CSMD1: variants seen among roughly 807,000 people sequenced by gnomAD.
CSMD1 encodes CUB and Sushi multiple domains 1.
Under a neutral mutation model 417.5 loss-of-function variants are expected in CSMD1, and 213 were observed. The observed-to-expected ratio is 0.51, with a 90% CI of 0.46 to 0.57. The LOEUF (loss-of-function observed/expected upper bound fraction) is 0.57, where lower values mean the gene tolerates loss of function less well. CSMD1 is among the 20% of genes least tolerant of loss of function. CSMD1 has a pLI of 0.00. For missense variants in CSMD1, 6,923 were observed against 4,529.7 expected, an observed-to-expected ratio of 1.53 and a Z score of -15.17; for synonymous variants, 2,862 against 1,736.8, an observed-to-expected ratio of 1.65 and a Z score of -16.11.
chr8:3,858,723 G>T lies in CSMD1; in HGVS notation c.819-104681C>A, dbSNP rs752925078. Among the ~76,000 whole-genome samples the T allele has an allele frequency of 3.3e-5, 5 of 151,576 alleles. No individual in the cohort carries two copies. In the East Asian group the frequency reaches 9.7e-4, roughly 29 times the overall value. On this transcript the variant is annotated intron_variant, in intron 5 of 69. Coordinates refer to ENST00000635120, the MANE Select transcript of CSMD1 (RefSeq NM_033225.6). ...CCCAAATAAAATAGTCCATAAATCA[G>T]ATTACATTTTCAAAATAACTTTGGA...
chr8:3,917,580 G>C (rs1344476372), intron 5 of CSMD1, among the ~76,000 whole-genome samples: 2 of 148,250 alleles, frequency 1.3e-5, no homozygotes, highest in African/African-American at 2.5e-5. Flanking sequence ...TTTGCAACTA[G>C]TTGACATAAA....
intron 2 of CSMD1, among the ~76,000 whole-genome samples, chr8:4,532,995 T>C (rs1209438987): frequency 6.6e-6 from 1 of 152,144 alleles, no homozygotes; most frequent in South Asian, 2.1e-4. Context: ...GGAAAAGAAA[T>C]CCTGCACCCC....
At chr8:4,149,075 T>C (rs761105517) in intron 3 of CSMD1, among the ~76,000 whole-genome samples, 1 of 152,038 alleles carries the variant, frequency 6.6e-6, no homozygotes, top group African/African-American at 2.4e-5. Context: ...GCGATTCTCC[T>C]GCCTCAGCCT....
chr8:4,174,017 T>C (rs899603302), intron 3 of CSMD1, among the ~76,000 whole-genome samples: 1 of 152,160 alleles, frequency 6.6e-6, no homozygotes, highest in Non-Finnish European at 1.5e-5. Flanking sequence ...TCAATCACCA[T>C]GGCCAAGGGA....
intron 7 of CSMD1, among the ~76,000 whole-genome samples, chr8:3,627,950 G>A (rs7003559): frequency 0.35 from 53,738 of 152,088 alleles, 9,834 homozygotes; most frequent in Middle Eastern, 0.46. Flanking sequence ...AGGAAAATGA[G>A]AAGTACTTCA....
intron 2 of CSMD1, among the ~76,000 whole-genome samples, chr8:4,527,803 C>G (rs1282423231): frequency 1.3e-5 from 2 of 152,128 alleles, no homozygotes; most frequent in Non-Finnish European, 2.9e-5. Flanking sequence ...CCTGGAAAGT[C>G]TAATGCAGAA....
chr8:4,228,094 C>T (rs1302264272), intron 3 of CSMD1, among the ~76,000 whole-genome samples: 1 of 152,112 alleles, frequency 6.6e-6, no homozygotes, highest in Non-Finnish European at 1.5e-5. Flanking sequence ...GAGACACACT[C>T]TCTATCCTTC....
intron 50 of CSMD1, among the ~76,000 whole-genome samples, chr8:3,038,404 T>A (rs1229697949): frequency 6.6e-6 from 1 of 152,228 alleles, no homozygotes; most frequent in African/African-American, 2.4e-5. Context: ...AGATTTAAAG[T>A]CAAAAATCTT....
intron 5 of CSMD1, among the ~76,000 whole-genome samples, chr8:3,933,940 C>A (rs1377519796): frequency 1.3e-5 from 2 of 152,060 alleles, no homozygotes; most frequent in African/African-American, 4.8e-5. Flanking sequence ...GAAAAACCAG[C>A]CAGGGACCTA....
intron 49 of CSMD1, among the ~76,000 whole-genome samples, chr8:3,076,822 T>C (rs185113527): frequency 6.6e-6 from 1 of 152,312 alleles, no homozygotes; most frequent in East Asian, 1.9e-4. Context: ...ATCTCTGCCT[T>C]TTCTTTAAGA....
At chr8:3,685,797 A>C (rs764906765) in intron 7 of CSMD1, among the ~76,000 whole-genome samples, 4 of 151,992 alleles carry the variant, frequency 2.6e-5, no homozygotes, top group Non-Finnish European at 4.4e-5. Context: ...AGTTATATAC[A>C]TTTATAAAGT....
At chr8:4,890,011 ATAAT>A (rs1241025313) in intron 1 of CSMD1, among the ~76,000 whole-genome samples, 6 of 152,142 alleles carry the variant, frequency 3.9e-5, no homozygotes, top group African/African-American at 1.4e-4. Context: ...ATCTTACCTA[ATAAT>A]TAATATTTCC....
chr8:3,088,240 G>A (rs1297578265), intron 48 of CSMD1, among the ~76,000 whole-genome samples: 1 of 152,178 alleles, frequency 6.6e-6, no homozygotes, highest in East Asian at 1.9e-4. Flanking sequence ...TTTAGACAAA[G>A]AAACTTGCTT....
chr8:3,701,920 C>T (rs969637732), intron 7 of CSMD1, among the ~76,000 whole-genome samples: 4 of 152,134 alleles, frequency 2.6e-5, no homozygotes, highest in Admixed American at 2.6e-4. Flanking sequence ...TTTTCATTAA[C>T]TGAACTGTCT....
intron 3 of CSMD1, among the ~76,000 whole-genome samples, chr8:4,227,260 A>G (rs1801415659): frequency 6.6e-6 from 1 of 152,154 alleles, no homozygotes; most frequent in Non-Finnish European, 1.5e-5. Context: ...AACATGGACG[A>G]GCAAGATGGC....
chr8:3,997,412 A>G (rs1815301066), intron 5 of CSMD1, among the ~76,000 whole-genome samples: 1 of 151,804 alleles, frequency 6.6e-6, no homozygotes, highest in Non-Finnish European at 1.5e-5. Flanking sequence ...GTGTTAAGTT[A>G]TTTTGCCTTT....
At chr8:3,456,641 G>A (rs1376962729) in intron 12 of CSMD1, among the ~76,000 whole-genome samples, 1 of 152,242 alleles carries the variant, frequency 6.6e-6, no homozygotes, top group Admixed American at 6.5e-5. Flanking sequence ...TAGTGGACGT[G>A]TTTCAGTATC....
intron 1 of CSMD1, among the ~76,000 whole-genome samples, chr8:4,734,089 T>C (rs909372699): frequency 2.0e-5 from 3 of 152,182 alleles, no homozygotes; most frequent in South Asian, 2.1e-4. Flanking sequence ...TTTTATTGCA[T>C]TGATAAACAT....
At chr8:3,785,633 G>C (rs894165845) in intron 5 of CSMD1, among the ~76,000 whole-genome samples, 5 of 152,172 alleles carry the variant, frequency 3.3e-5, no homozygotes, top group African/African-American at 7.2e-5. Context: ...AGTTACCATC[G>C]AGTGTTTATT....
Sources: gnomAD v4.1 joint callset for allele counts (sites outside exome capture counted in the v4.1 genomes callset) on GRCh38, gnomAD v4.1.1 for gene constraint, MANE v1.5 for transcripts, NCBI Gene and HGNC (gene_info 2026-07-23, HGNC 2026-07-21) for gene names.